Variants in SDHA observed in about 807,000 individuals in gnomAD.
SDHA encodes the protein succinate dehydrogenase [ubiquinone] flavoprotein subunit, mitochondrial.
In SDHA, 48 loss-of-function variants were observed where a neutral mutation model predicts 78.4. That is an observed-to-expected ratio of 0.61 (90% CI 0.49 to 0.78). The LOEUF is 0.78. SDHA is among the 30% of genes least tolerant of loss of function. The pLI is 0.00. For synonymous variants in SDHA, 326 were observed against 353.9 expected (o/e 0.92, Z 0.88); for missense variants, 680 against 892.7 (o/e 0.76, Z 3.04).
At chr5:251,251 C>T (rs1579438538) in intron 12 of SDHA, 87 bp from the exon 13 acceptor site, 1 of 1,534,204 alleles carries the variant, frequency 6.5e-7, no homozygotes, top group Non-Finnish European at 8.9e-7. Flanking sequence ...CCAGTGACTC[C>T]ATGGACTAGC....
chr5:222,355 T>C (rs115813575), intron 1 of SDHA, among the ~76,000 whole-genome samples: 3,623 of 151,004 alleles, frequency 0.024, 50 homozygotes, highest in Non-Finnish European at 0.031. Flanking sequence ...CTTTTCTTTT[T>C]TTTTTTTTTG....
In SDHA at chr5:219,517, A is replaced by G. The variant is rs141839708; in HGVS notation, c.63+1099A>G. ...ATTGTGCAATTTTCTCCTTTTTGAA[A>G]TACTTATTAAAAATCTCGTTGAGTT... On this transcript the variant is annotated intron_variant, in intron 1 of 14. Transcript: ENST00000264932. Among the ~76,000 whole-genome samples the G allele has an allele frequency of 2.1e-4, 32 of 152,326 alleles. No homozygotes were observed. In the East Asian group the frequency reaches 4.8e-3, roughly 23 times the overall value.
At chr5:266,504 T>C in the SDHA span, among the ~76,000 whole-genome samples, 1 of 152,196 alleles carries the variant, frequency 6.6e-6, no homozygotes, top group Non-Finnish European at 1.5e-5. Flanking sequence ...ATGTTTATAG[T>C]ACTCCATGGA....
rs181417657 is a variant in SDHA, at chr5:238,017, A to G, written c.1432+1418A>G. The stretch of plus-strand genomic sequence containing the variant: ...GGACTGATACCACTTCTCTCAGAGC[A>G]ATGTAGAAATTTTGAGCTGCTCTTT... On this transcript the variant is annotated intron_variant, in intron 10 of 14. Coordinates refer to ENST00000264932, the MANE Select transcript of SDHA (RefSeq NM_004168.4). Among the ~76,000 whole-genome samples, 17 of 137,334 alleles carry G rather than the reference A, an allele frequency of 1.2e-4. 3 individuals carry two copies. The East Asian group carries it at 3.3e-3, about 27-fold the overall frequency. 90.1% of individuals were successfully genotyped at this position (137,334 alleles called of 152,430 possible). A position where few individuals can be genotyped will look rare whatever the true frequency, so the allele number is the denominator to read the frequency against.
At chr5:232,964 C>A (rs1369720031) in intron 7 of SDHA, among the ~76,000 whole-genome samples, 3 of 152,158 alleles carry the variant, frequency 2.0e-5, no homozygotes, top group Admixed American at 6.5e-5. Flanking sequence ...GTCGTACTAC[C>A]CAGAGTTGTT....
downstream of SDHA, among the ~76,000 whole-genome samples, chr5:258,132 G>C (rs1475537244): frequency 1.2e-5 from 1 of 82,180 alleles, no homozygotes; most frequent in East Asian, 3.0e-4. Flanking sequence ...TACCGTGTGA[G>C]CTCCGCCCCC....
At chr5:247,409 A>C (rs182093968) in intron 11 of SDHA, among the ~76,000 whole-genome samples, 35 of 152,356 alleles carry the variant, frequency 2.3e-4, no homozygotes, top group African/African-American at 7.5e-4. Context: ...CAGGGAATCA[A>C]ATGGCTGATC....
At chr5:242,698 C>T (rs10059220) in intron 11 of SDHA, among the ~76,000 whole-genome samples, 19,721 of 152,074 alleles carry the variant, frequency 0.13, 1,343 homozygotes, top group Admixed American at 0.17. Context: ...GAAGGGTCAC[C>T]GGAGCGATGG....
chr5:232,501 A>G (rs1240329866), intron 7 of SDHA, among the ~76,000 whole-genome samples: 1 of 152,184 alleles, frequency 6.6e-6, no homozygotes, highest in Non-Finnish European at 1.5e-5. Flanking sequence ...GATTATAGCC[A>G]TGAGCCACTG....
At position 244,899 on chromosome 5, in the gene SDHA, G is replaced by T. The variant is rs191422964; in HGVS notation, c.1551+4423G>T. On this transcript the variant is annotated intron_variant, in intron 11 of 14. Coordinates refer to ENST00000264932, the MANE Select transcript of SDHA (RefSeq NM_004168.4). ...AAAGTCAACATATGCATGAAATGGG[G>T]TATGTCCCTGGTATGGGACTAGGAA... Among the ~76,000 whole-genome samples, 3 of 152,326 alleles carry T rather than the reference G, an allele frequency of 2.0e-5. No homozygotes were observed. In the East Asian group the frequency reaches 5.8e-4, roughly 29 times the overall value.
rs1062467 is a variant in SDHA at position 233,577 on chromosome 5, T to C, written c.996T>C (p.Pro332=). Residue 332 remains proline, a synonymous_variant, in exon 8 of 15, where the codon CCT becomes CCC. Transcript: ENST00000264932. Reference sequence around the variant, plus strand: ...AAAGGTTTATGGAGCGATACGCCCCTGTCGCGAAGGACCTGGCGTCTAGAG... The same window carrying C: ...AAAGGTTTATGGAGCGATACGCCCCCGTCGCGAAGGACCTGGCGTCTAGAG... ...QGERFMERYA[P]VAKDLASRDV... 10 of 1,614,118 alleles carry C rather than the reference T, an allele frequency of 6.2e-6. No homozygotes were observed. Among genetic ancestry groups the C allele is most frequent in the East Asian group, 2.2e-5 (1 of 44,892 alleles).
chr5:236,562 G>A lies in SDHA; in HGVS notation c.1395G>A (p.Arg465=). 1 of 1,614,036 alleles carries A rather than the reference G, an allele frequency of 6.2e-7. No individual in the cohort carries two copies. Among genetic ancestry groups the A allele is most frequent in the South Asian group, 1.1e-5 (1 of 91,084 alleles). Residue 465 remains arginine, a synonymous_variant, in exon 10 of 15, where the codon CGG becomes CGA. Transcript: ENST00000264932. ...NSLLDLVVFG[R]ACALSIEESC... ...TCTTGGACCTGGTTGTCTTTGGTCG[G>A]GCATGTGCCCTGAGCATCGAAGAGT... is the stretch of plus-strand genomic sequence containing the variant.
chr5:231,649 C>T (rs1376642666), intron 7 of SDHA, among the ~76,000 whole-genome samples: 1 of 152,008 alleles, frequency 6.6e-6, no homozygotes, highest in East Asian at 1.9e-4. Flanking sequence ...CAGGTCTTCT[C>T]GTTAGCTGTG....
chr5:242,089 AAC>A (rs1275377754), intron 11 of SDHA, among the ~76,000 whole-genome samples: 16 of 152,208 alleles, frequency 1.1e-4, no homozygotes, highest in African/African-American at 3.6e-4. Flanking sequence ...GCACTGAACA[AAC>A]AGAGTTTCCT....
chr5:229,851 CGTTAACATTATACAGCATGGTGGCCAGA>C (rs1489772823), intron 6 of SDHA, among the ~76,000 whole-genome samples: 2 of 87,038 alleles, frequency 2.3e-5, no homozygotes, highest in East Asian at 3.0e-4. Context: ...TGCTGGCTAT[CGTTAACATTATACAGCATGGTGGCCAGA>C]GTTAACATTA....
At chr5:240,130 G>T (rs1198508108) in intron 10 of SDHA, among the ~76,000 whole-genome samples, 1 of 152,050 alleles carries the variant, frequency 6.6e-6, no homozygotes, top group Non-Finnish European at 1.5e-5. Flanking sequence ...ATCACTTAAT[G>T]GATATCTACT....
chr5:237,729 TA>T (rs1735869759), intron 10 of SDHA, among the ~76,000 whole-genome samples: 1 of 135,092 alleles, frequency 7.4e-6, no homozygotes, highest in African/African-American at 3.5e-5. Flanking sequence ...TCAAGTGAAA[TA>T]AAAACTAGCA....
chr5:222,457 C>T (rs1339233641), intron 1 of SDHA, among the ~76,000 whole-genome samples: 1 of 151,206 alleles, frequency 6.6e-6, no homozygotes, highest in African/African-American at 2.4e-5. Context: ...AAGCGATTCT[C>T]CTGCCTCAGC....
rs908267345 is a variant in SDHA, at chr5:225,994, T to C, written c.568T>C (p.Cys190Arg). 2 of 1,614,080 alleles carry C rather than the reference T, an allele frequency of 1.2e-6. No homozygotes were observed. The highest frequency in any genetic ancestry group is 2.7e-5 in the African/African-American group (2 of 74,932). The change falls in exon 5 of 15, where the codon TGC becomes CGC. Residue 190 changes from cysteine to arginine, a missense_variant. Coordinates refer to ENST00000264932, the MANE Select transcript of SDHA (RefSeq NM_004168.4). Reference sequence around the variant, plus strand: ...AAAGGGCGGGCAGGCCCATCGGTGCTGCTGTGTGGCTGATCGGACTGGCCA... The same window carrying C: ...AAAGGGCGGGCAGGCCCATCGGTGCCGCTGTGTGGCTGATCGGACTGGCCA... ...FGKGGQAHRC[C>R]CVADRTGHSL...
Sources: allele counts gnomAD v4.1 joint callset (sites outside exome capture counted in the v4.1 genomes callset), GRCh38; gene constraint gnomAD v4.1.1; transcripts MANE v1.5; gene names NCBI Gene and HGNC (gene_info 2026-07-23, HGNC 2026-07-21).